Variants in TRPM3 observed in about 807,000 individuals in gnomAD.
TRPM3 encodes the protein long transient receptor potential channel 3.
Under a neutral mutation model 181.2 loss-of-function variants are expected in TRPM3, and 77 were observed. That is an observed-to-expected ratio of 0.42 (90% CI 0.35 to 0.51). The LOEUF is 0.51. TRPM3 is among the 20% of genes least tolerant of loss of function. TRPM3 has a pLI of 0.01. For synonymous variants in TRPM3, 745 were observed against 796.4 expected (o/e 0.94, Z 1.09); for missense variants, 1,759 against 2,196.7 (o/e 0.80, Z 3.98).
At chr9:70,667,169 CTG>C (rs1166419159) in intron 9 of TRPM3, among the ~76,000 whole-genome samples, 2 of 151,832 alleles carry the variant, frequency 1.3e-5, no homozygotes, top group African/African-American at 2.4e-5. Context: ...CCTTGGTTAA[CTG>C]TTCATATTTA....
intron 1 of TRPM3, among the ~76,000 whole-genome samples, chr9:71,043,067 A>C (rs969458189): frequency 5.9e-5 from 9 of 152,238 alleles, no homozygotes; most frequent in African/African-American, 9.6e-5. Context: ...TTGCAGATTT[A>C]TGTGAAAATT....
chr9:71,018,442 A>G (rs2097804596), intron 1 of TRPM3, among the ~76,000 whole-genome samples: 1 of 151,836 alleles, frequency 6.6e-6, no homozygotes, highest in Non-Finnish European at 1.5e-5. Flanking sequence ...GATTAGAAAA[A>G]CAGAAAAGTT....
intron 5 of TRPM3, among the ~76,000 whole-genome samples, chr9:70,834,197 A>T (rs146983825): frequency 1.3e-5 from 2 of 152,322 alleles, no homozygotes; most frequent in South Asian, 2.1e-4. Context: ...GACTGCCCAG[A>T]TACATTAGCA....
chr9:70,900,351 C>G (rs1399406554), intron 1 of TRPM3, among the ~76,000 whole-genome samples: 1 of 149,230 alleles, frequency 6.7e-6, no homozygotes, highest in Non-Finnish European at 1.5e-5. Context: ...AAAAACAAAA[C>G]AAAACAAACA....
chr9:71,420,713 AAGAG>A (rs1187950500), intron 1 of TRPM3, among the ~76,000 whole-genome samples: 1 of 20,620 alleles, frequency 4.8e-5, no homozygotes, highest in South Asian at 1.7e-3. Context: ...GAGAGAAAGA[AAGAG>A]AGAAAGAGAG....
chr9:70,825,812 C>T (rs529477955), intron 6 of TRPM3: 7 of 152,252 alleles, frequency 4.6e-5, no homozygotes, highest in Non-Finnish European at 1.0e-4. Context: ...AGGGTACTCC[C>T]TCTGGGATGA....
chr9:71,011,575 T>A (rs1489190839), intron 1 of TRPM3, among the ~76,000 whole-genome samples: 1 of 152,098 alleles, frequency 6.6e-6, no homozygotes, highest in Non-Finnish European at 1.5e-5. Flanking sequence ...TTAGGAAGAT[T>A]AGTCATTCAT....
chr9:71,299,350 T>C (rs557503345), intron 1 of TRPM3, among the ~76,000 whole-genome samples: 1 of 152,286 alleles, frequency 6.6e-6, no homozygotes, highest in East Asian at 1.9e-4. Context: ...TTGTGGTAAA[T>C]GCTAGTGTGT....
At chr9:70,747,292 G>A (rs2075332630) in intron 8 of TRPM3, among the ~76,000 whole-genome samples, 1 of 149,746 alleles carries the variant, frequency 6.7e-6, no homozygotes, top group South Asian at 2.1e-4. Context: ...TGGATTCCAG[G>A]TGTGTGTGTG....
intron 1 of TRPM3, among the ~76,000 whole-genome samples, chr9:71,193,021 G>A (rs537864272): frequency 6.6e-6 from 1 of 151,976 alleles, no homozygotes; most frequent in South Asian, 2.1e-4. Flanking sequence ...TGGTGTATGT[G>A]TAACTTTAGC....
chr9:70,700,057 A>G (rs549634577), intron 8 of TRPM3, among the ~76,000 whole-genome samples: 10 of 152,180 alleles, frequency 6.6e-5, no homozygotes, highest in Non-Finnish European at 1.3e-4. Context: ...ATCTTGGTTC[A>G]CTGCAGTCTC....
At chr9:71,089,117 T>TTTTATATATCATATATATTATATA (rs2065762301) in intron 1 of TRPM3, among the ~76,000 whole-genome samples, 7 of 147,560 alleles carry the variant, frequency 4.7e-5, no homozygotes, top group Admixed American at 3.4e-4. Context: ...ATGATATATA[T>TTTTATATATCATATATATTATATA]TGTATATATC....
At chr9:70,680,567 GAC>G (rs768763000) in intron 9 of TRPM3, among the ~76,000 whole-genome samples, 25 of 152,258 alleles carry the variant, frequency 1.6e-4, no homozygotes, top group Non-Finnish European at 3.2e-4. Flanking sequence ...TAATGAACCA[GAC>G]ACATTCTCTG....
At chr9:71,384,008 GAGT>G (rs1218833078) in intron 1 of TRPM3, among the ~76,000 whole-genome samples, 4 of 152,194 alleles carry the variant, frequency 2.6e-5, no homozygotes, top group African/African-American at 9.6e-5. Context: ...AGCATAACTT[GAGT>G]AGTAATTAGC....
At chr9:71,290,765 C>T (rs1452639866) in intron 1 of TRPM3, among the ~76,000 whole-genome samples, 4 of 152,100 alleles carry the variant, frequency 2.6e-5, no homozygotes, top group East Asian at 3.9e-4. Flanking sequence ...ATCCTAAAAC[C>T]CTTATATTGT....
intron 1 of TRPM3, among the ~76,000 whole-genome samples, chr9:71,260,471 G>T (rs188366626): frequency 6.6e-6 from 1 of 152,120 alleles, no homozygotes; most frequent in African/African-American, 2.4e-5. Context: ...ATTACTTTGG[G>T]CACTACAGCC....
chr9:70,794,143 G>C (rs1375082472), intron 6 of TRPM3, among the ~76,000 whole-genome samples: 2 of 151,846 alleles, frequency 1.3e-5, no homozygotes, highest in Admixed American at 6.6e-5. Flanking sequence ...TCAATGCTGA[G>C]TGCAGTCCCA....
intron 1 of TRPM3, among the ~76,000 whole-genome samples, chr9:71,349,999 ATATG>A (rs58164312): frequency 0.28 from 6,356 of 23,046 alleles, 216 homozygotes; most frequent in Middle Eastern, 0.35. Flanking sequence ...ATATATATAT[ATATG>A]GGCCTAAAAA....
intron 3 of TRPM3, among the ~76,000 whole-genome samples, chr9:70,850,919 C>T (rs2095202369): frequency 6.6e-6 from 1 of 152,142 alleles, no homozygotes; most frequent in Non-Finnish European, 1.5e-5. Flanking sequence ...TTATGTTCTC[C>T]TAAGGTGAGA....
Sources: allele counts gnomAD v4.1 joint callset (sites outside exome capture counted in the v4.1 genomes callset), GRCh38; gene constraint gnomAD v4.1.1; transcripts MANE v1.5; gene names NCBI Gene and HGNC (gene_info 2026-07-23, HGNC 2026-07-21).